Variants in TRIP12 observed in about 807,000 individuals in gnomAD.
TRIP12 encodes the protein thyroid hormone receptor interactor 12.
In TRIP12, 25 loss-of-function variants were observed where a neutral mutation model predicts 244.2. The observed-to-expected ratio is 0.10, with a 90% CI of 0.07 to 0.14. The LOEUF (loss-of-function observed/expected upper bound fraction) is 0.14. TRIP12 is among the 10% of genes least tolerant of loss of function. TRIP12 has a pLI of 1.00. For missense variants in TRIP12, 1,677 were observed against 2,486.4 expected (o/e 0.67, Z 6.92); for synonymous variants, 905 against 873.1 (o/e 1.04, Z -0.64).
intron 40 of TRIP12, 46 bp from the exon 41 acceptor site, chr2:229,768,765 T>C (rs556155632): frequency 2.1e-4 from 323 of 1,537,482 alleles, no homozygotes; most frequent in Middle Eastern, 8.5e-4. Context: ...CAGGTTAAAA[T>C]AGAGTTTTAA....
intron 8 of TRIP12, 51 bp downstream of exon 8, chr2:229,829,142 A>C: frequency 1.3e-6 from 2 of 1,515,652 alleles, no homozygotes; most frequent in Non-Finnish European, 9.1e-7. Flanking sequence ...AAGTAACAAT[A>C]GCAGTTGGCT....
chr2:229,913,729 C>G (rs768057377), intron 1 of TRIP12, among the ~76,000 whole-genome samples: 17 of 152,182 alleles, frequency 1.1e-4, no homozygotes, highest in Non-Finnish European at 2.2e-4. Context: ...CACACTACCA[C>G]GTACACCTAC....
chr2:229,894,896 T>G (rs1047531449), intron 1 of TRIP12, among the ~76,000 whole-genome samples: 5 of 152,222 alleles, frequency 3.3e-5, no homozygotes, highest in Admixed American at 3.3e-4. Flanking sequence ...ATACTTTGGG[T>G]AGCAAGCTCT....
At chr2:229,830,201 A>G (rs764380334) in intron 7 of TRIP12, among the ~76,000 whole-genome samples, 1 of 152,246 alleles carries the variant, frequency 6.6e-6, no homozygotes, top group Non-Finnish European at 1.5e-5. Flanking sequence ...TACACTATAC[A>G]TTCATTTTGA....
Position 229,796,810 on chromosome 2 carries a change from T to C in TRIP12, c.3625-28A>G, listed in dbSNP as rs192085794. ...GAAAGAGTTAGGAAAAGTATTTCTATATTGATTTAAGCAGCACTTAAAAAA... is the reference window on the plus strand; with the variant it reads ...GAAAGAGTTAGGAAAAGTATTTCTACATTGATTTAAGCAGCACTTAAAAAA... On this transcript the variant is annotated intron_variant, in intron 24 of 41. Coordinates refer to ENST00000675903, the MANE Select transcript of TRIP12 (RefSeq NM_001348323.3). 2.5e-4 allele frequency: 375 copies of C among 1,528,496 alleles called. 4 individuals are homozygous for C. In the South Asian group the frequency reaches 3.0e-3, roughly 12 times the overall value. The allele number at this position is 1,528,496 out of a possible 1,614,324, so 94.7% of individuals were successfully genotyped here.
At chr2:229,850,281 C>T (rs1014855387) in intron 4 of TRIP12, among the ~76,000 whole-genome samples, 1 of 151,536 alleles carries the variant, frequency 6.6e-6, no homozygotes, top group Non-Finnish European at 1.5e-5. Flanking sequence ...TTAAATTTGG[C>T]CACTTCTGTT....
chr2:229,836,166 G>C lies in TRIP12; in HGVS notation c.1270+682C>G, dbSNP rs1354259700. ...TTTATTCAAAAGGAAGTATATGCCT[G>C]TATCTAAACCTGTGTGTATCATCTG... On this transcript the variant is annotated intron_variant, in intron 6 of 41. Coordinates refer to ENST00000675903, the MANE Select transcript of TRIP12 (RefSeq NM_001348323.3). Among the ~76,000 whole-genome samples, 3 of 152,212 alleles carry C rather than the reference G, an allele frequency of 2.0e-5. No homozygotes were observed. The East Asian group carries it at 5.8e-4, about 29-fold the overall frequency.
At chr2:229,888,262 TG>T (rs1473913872) in intron 1 of TRIP12, among the ~76,000 whole-genome samples, 4 of 151,724 alleles carry the variant, frequency 2.6e-5, no homozygotes, top group African/African-American at 7.3e-5. Context: ...AATAAGCAAA[TG>T]GAAGTAAAGA....
At chr2:229,914,553 G>A (rs762876681) in intron 1 of TRIP12, among the ~76,000 whole-genome samples, 1 of 152,192 alleles carries the variant, frequency 6.6e-6, no homozygotes, top group Admixed American at 6.5e-5. Context: ...CAAGAGATGG[G>A]CTACTGTGAA....
rs140245009 is a variant in TRIP12 at position 229,797,716 on chromosome 2, C to T, written c.3598G>A (p.Ala1200Thr). 22 of 1,613,560 alleles carry T rather than the reference C, an allele frequency of 1.4e-5. No homozygotes were observed. Among genetic ancestry groups the T allele is most frequent in the South Asian group, 5.5e-5 (5 of 90,902 alleles). Residue 1200 changes from alanine (A) to threonine (T), a missense_variant, in exon 24 of 42, where the codon GCT (alanine) becomes ACT (threonine). Ala to Thr is a moderately conservative substitution (Grantham distance 58, BLOSUM62 0). Coordinates refer to ENST00000675903, the MANE Select transcript of TRIP12 (RefSeq NM_001348323.3). Reference sequence around the variant, plus strand: ...TGGAGGTTGAGTTGTTCGGTTGCAGCACAAAGTCTCTGAAGGACATTCAAT... The same window carrying T: ...TGGAGGTTGAGTTGTTCGGTTGCAGTACAAAGTCTCTGAAGGACATTCAAT... ...PALNVLQRLC[A>T]ATEQLNLQVD...
Position 229,774,160 on chromosome 2 carries a change from G to A in TRIP12, c.5631C>T (p.Ile1877=), listed in dbSNP as rs139624097. The stretch of plus-strand genomic sequence containing the variant: ...TATCCTTCCCTCCTTTCTTCAGTTC[G>A]ATATTGGGAAACCCTGGCAGAGTGA... ...LDFTLPGFPN[I]ELKKGGKDIP... is the part of the protein sequence containing the mutation. Residue 1877 remains isoleucine, a synonymous_variant, in exon 38 of 42, where the codon ATC becomes ATT. Coordinates refer to ENST00000675903, the MANE Select transcript of TRIP12 (RefSeq NM_001348323.3). 36 of 1,614,060 alleles carry A rather than the reference G, an allele frequency of 2.2e-5. No individual in the cohort carries two copies. In the South Asian group the frequency reaches 2.5e-4, roughly 11 times the overall value.
intron 1 of TRIP12, among the ~76,000 whole-genome samples, chr2:229,881,816 A>T (rs1268932889): frequency 6.6e-6 from 1 of 152,242 alleles, no homozygotes; most frequent in African/African-American, 2.4e-5. Context: ...TATACTGTCC[A>T]CGTTAAAAAT....
intron 8 of TRIP12, among the ~76,000 whole-genome samples, chr2:229,823,674 C>CAA (rs35324005): frequency 4.7e-4 from 64 of 135,000 alleles, no homozygotes; most frequent in East Asian, 1.5e-3. Context: ...GACTCTGTCT[C>CAA]AAAAAAAAAA....
At position 229,798,464 on chromosome 2, in the gene TRIP12, T is replaced by TAA. The variant is rs34468486; in HGVS notation, c.3482+409_3482+410dup. Among the ~76,000 whole-genome samples, 44 of 134,526 alleles carry TAA rather than the reference T, an allele frequency of 3.3e-4. No individual in the cohort carries two copies. The East Asian group carries it at 6.2e-3, about 19-fold the overall frequency. The allele number at this position is 134,526 out of a possible 152,430, so 88.3% of individuals were successfully genotyped here. On this transcript the variant is annotated intron_variant, in intron 23 of 41. Transcript: ENST00000675903. ...AAAAATAAAACAAGTCCCAAGGACT[T>TAA]AAAAAAAAAAAAAAAGGCTCTCCCC...
chr2:229,865,318 C>CAAAAA (rs767610234), intron 2 of TRIP12, among the ~76,000 whole-genome samples: 18 of 66,910 alleles, frequency 2.7e-4, no homozygotes, highest in African/African-American at 5.3e-4. Context: ...CTCTCAACTA[C>CAAAAA]AAAAAAAAAA....
intron 28 of TRIP12, 26 bp downstream of exon 28, chr2:229,792,127 T>C (rs2041684357): frequency 1.2e-6 from 2 of 1,614,074 alleles, no homozygotes; most frequent in South Asian, 1.1e-5. Flanking sequence ...TAGTACATTA[T>C]ACATGGTGGG....
chr2:229,798,824 A>T, intron 23 of TRIP12, 51 bp downstream of exon 23: 1 of 1,587,836 alleles, frequency 6.3e-7, no homozygotes, highest in Non-Finnish European at 8.6e-7. Flanking sequence ...AATAATGTTT[A>T]AGTTTTTCTG....
At chr2:229,902,388 CA>C (rs995943984) in intron 1 of TRIP12, among the ~76,000 whole-genome samples, 4 of 146,050 alleles carry the variant, frequency 2.7e-5, no homozygotes, top group South Asian at 2.2e-4. Flanking sequence ...CTCCCCCCAC[CA>C]AAAAAAAAAG....
chr2:229,797,763 T>C lies in TRIP12; in HGVS notation c.3551A>G (p.Asn1184Ser), dbSNP rs1425360686. ...KFVERYFSSENMDGSNPALNV... is the reference protein window; with the variant it reads ...KFVERYFSSESMDGSNPALNV... Reference sequence around the variant, plus strand: ...CAATGCAGGGTTGCTTCCATCCATATTCTCAGAACTGAAATAACGTTCTAC... The same window carrying C: ...CAATGCAGGGTTGCTTCCATCCATACTCTCAGAACTGAAATAACGTTCTAC... The change falls in exon 24 of 42, where the codon AAT (asparagine) becomes AGT (serine). Residue 1184 changes from asparagine to serine, a missense_variant. This residue lies in a region of TRIP12 where 572 missense variants were observed against 867.8 expected (regional missense o/e 0.66). Coordinates refer to ENST00000675903, the MANE Select transcript of TRIP12 (RefSeq NM_001348323.3). The C allele has an allele frequency of 2.5e-6, 4 of 1,614,078 alleles. No homozygotes were observed. The highest frequency in any genetic ancestry group is 3.4e-6 in the Non-Finnish European group (4 of 1,179,950).
Sources: gnomAD v4.1 joint callset for allele counts (sites outside exome capture counted in the v4.1 genomes callset) on GRCh38, gnomAD v4.1.1 for gene constraint, gnomAD v4.1.1 regional missense constraint, MANE v1.5 for transcripts, NCBI Gene and HGNC (gene_info 2026-07-23, HGNC 2026-07-21) for gene names.